LAMC1: variants seen among roughly 807,000 people sequenced by gnomAD.
The protein encoded by LAMC1 is laminin subunit gamma-1.
A neutral mutation model predicts 173.6 loss-of-function variants in LAMC1; 38 were observed. That is an observed-to-expected ratio of 0.22 (90% CI 0.17 to 0.29). LAMC1 has a LOEUF of 0.29. Ranked by LOEUF, LAMC1 falls within the 10% of genes least tolerant of loss-of-function variation. The pLI, the probability that LAMC1 is intolerant of heterozygous loss-of-function variation, is 1.00. For missense variants in LAMC1, 1,824 were observed against 2,051.8 expected, an observed-to-expected ratio of 0.89 and a Z score of 2.14; for synonymous variants, 746 against 749.1, an observed-to-expected ratio of 1.00 and a Z score of 0.07.
intron 1 of LAMC1, among the ~76,000 whole-genome samples, chr1:183,044,928 TA>T (rs201754038): frequency 0.02 from 2,835 of 142,372 alleles, 29 homozygotes; most frequent in African/African-American, 0.026. Flanking sequence ...TCTCAATGCT[TA>T]AAAAAAAAAA....
intron 1 of LAMC1, among the ~76,000 whole-genome samples, chr1:183,060,051 G>C (rs924329723): frequency 7.2e-5 from 11 of 152,010 alleles, no homozygotes; most frequent in Non-Finnish European, 1.2e-4. Flanking sequence ...AGTAGGGAGG[G>C]CTCTGTTGAT....
intron 11 of LAMC1, among the ~76,000 whole-genome samples, chr1:183,119,407 T>G (rs923191984): frequency 6.6e-6 from 1 of 152,102 alleles, no homozygotes; most frequent in Admixed American, 6.5e-5. Flanking sequence ...AGGAAGAGAT[T>G]AGGACTAGCG....
chr1:183,069,312 TAGAC>T lies in LAMC1; in HGVS notation c.419-34012_419-34009del, dbSNP rs1450964523. ...TGTTGTGCTAATGCATGTTTAAAGT[TAGAC>T]AGATGAGTAGCTGTTCATCAATATA... On this transcript the variant is annotated intron_variant, in intron 1 of 27. Coordinates refer to ENST00000258341, the MANE Select transcript of LAMC1 (RefSeq NM_002293.4). Among the ~76,000 whole-genome samples the T allele has an allele frequency of 3.9e-5, 6 of 152,320 alleles. 1 individual carries two copies. Among genetic ancestry groups the T allele is most frequent in the African/African-American group, 1.2e-4 (5 of 41,570 alleles).
intron 1 of LAMC1, among the ~76,000 whole-genome samples, chr1:183,071,216 A>T (rs1655004297): frequency 6.6e-6 from 1 of 152,052 alleles, no homozygotes; most frequent in Non-Finnish European, 1.5e-5. Context: ...TGATGCAGAA[A>T]GGAAGACAAT....
chr1:183,130,506 C>T lies in LAMC1; in HGVS notation c.3443C>T (p.Ala1148Val). 6.2e-7 allele frequency: 1 copy of T among 1,614,194 alleles called. No individual in the cohort carries two copies. Among genetic ancestry groups the T allele is most frequent in the Non-Finnish European group, 8.5e-7 (1 of 1,180,036 alleles). The change falls in exon 19 of 28, where the codon GCA becomes GTA. Residue 1148 changes from alanine to valine, a missense_variant. Coordinates refer to ENST00000258341, the MANE Select transcript of LAMC1 (RefSeq NM_002293.4). Reference protein sequence around the residue: ...VENTERLIEIASRELEKAKVA... With the variant: ...VENTERLIEIVSRELEKAKVA... Reference sequence around the variant, plus strand: ...AACACAGAGCGGTTGATTGAAATCGCATCCAGAGAACTTGAGAAAGCAAAA... The same window carrying T: ...AACACAGAGCGGTTGATTGAAATCGTATCCAGAGAACTTGAGAAAGCAAAA...
At chr1:183,096,586 T>C (rs1420660639) in intron 1 of LAMC1, 12 of 152,210 alleles carry the variant, frequency 7.9e-5, no homozygotes, top group African/African-American at 2.7e-4. Context: ...TGAAGCCCTT[T>C]GTTCATTCAT....
Position 183,023,977 on chromosome 1 carries a change from G to A in LAMC1, c.261G>A (p.Lys87=), listed in dbSNP as rs1434247230. The A allele has an allele frequency of 6.2e-7, 1 of 1,613,180 alleles. No individual in the cohort carries two copies. The highest frequency in any genetic ancestry group is 8.5e-7 in the Non-Finnish European group (1 of 1,179,978). ...AGACCGGGGTGACCGGGGTCACCAA[G>A]TCCTGTCACCTGTGCGACGCCGGGC... ...CVQTGVTGVT[K]SCHLCDAGQP... Residue 87 remains lysine, a synonymous_variant, in exon 1 of 28, where the codon AAG becomes AAA. Coordinates refer to ENST00000258341, the MANE Select transcript of LAMC1 (RefSeq NM_002293.4).
intron 1 of LAMC1, among the ~76,000 whole-genome samples, chr1:183,029,615 C>G (rs1420419151): frequency 6.6e-6 from 1 of 152,100 alleles, no homozygotes; most frequent in Non-Finnish European, 1.5e-5. Flanking sequence ...TGTTAGGACT[C>G]CTTCCCCAGT....
At chr1:183,038,668 A>G (rs906012728) in intron 1 of LAMC1, among the ~76,000 whole-genome samples, 1 of 152,190 alleles carries the variant, frequency 6.6e-6, no homozygotes, top group Non-Finnish European at 1.5e-5. Flanking sequence ...CTGGGAAGTG[A>G]TATTTTCCTG....
chr1:183,129,718 T>C (rs1351213464), intron 18 of LAMC1, among the ~76,000 whole-genome samples: 2 of 152,176 alleles, frequency 1.3e-5, no homozygotes, highest in African/African-American at 2.4e-5. Flanking sequence ...ATATTTATCT[T>C]TTGATTTGTT....
At position 183,115,580 on chromosome 1, in the gene LAMC1, G is replaced by A. The variant is rs1489421980; in HGVS notation, c.1271G>A (p.Gly424Glu). 1 of 1,614,144 alleles carries A rather than the reference G, an allele frequency of 6.2e-7. No individual in the cohort carries two copies. ...GRCSCKPGVM[G>E]DKCDRCQPGF... ...TGCAGCTGTAAGCCAGGAGTGATGG[G>A]GGACAAATGTGACCGTTGCCAGCCT... The change falls in exon 6 of 28, where the codon GGG (glycine) becomes GAG (glutamate). Residue 424 changes from glycine (G) to glutamate (E), a missense_variant. By Grantham distance (98) the Gly-to-Glu change is moderately conservative. Coordinates refer to ENST00000258341, the MANE Select transcript of LAMC1 (RefSeq NM_002293.4).
intron 1 of LAMC1, among the ~76,000 whole-genome samples, chr1:183,030,806 AT>A (rs1388745627): frequency 1.5e-4 from 23 of 152,004 alleles, no homozygotes; most frequent in Non-Finnish European, 2.9e-5. Flanking sequence ...GTTAATTTGT[AT>A]TTTTTTCCTT....
chr1:183,045,171 T>C (rs140048167), intron 1 of LAMC1, among the ~76,000 whole-genome samples: 25 of 151,878 alleles, frequency 1.6e-4, no homozygotes, highest in African/African-American at 5.8e-4. Context: ...GCCAGTTGAT[T>C]AGTATGAATT....
chr1:183,028,959 T>C (rs1653766927), intron 1 of LAMC1, among the ~76,000 whole-genome samples: 1 of 152,218 alleles, frequency 6.6e-6, no homozygotes. Context: ...CTAAATTCAC[T>C]CCTTGTTGTC....
chr1:183,108,184 A>G, intron 2 of LAMC1, 92 bp from the exon 3 acceptor site: 1 of 1,196,630 alleles, frequency 8.4e-7, no homozygotes, highest in Non-Finnish European at 1.2e-6. Flanking sequence ...GTTAAATGAT[A>G]ATAAGTTAGT....
chr1:183,090,349 G>T (rs917008472), intron 1 of LAMC1, among the ~76,000 whole-genome samples: 1 of 152,152 alleles, frequency 6.6e-6, no homozygotes, highest in African/African-American at 2.4e-5. Context: ...AGGAACACAA[G>T]TTCAAGCACA....
intron 26 of LAMC1, among the ~76,000 whole-genome samples, chr1:183,139,558 G>C (rs906695090): frequency 6.6e-6 from 1 of 152,178 alleles, no homozygotes; most frequent in Non-Finnish European, 1.5e-5. Flanking sequence ...GGTTTTTTCT[G>C]CCTTGCTTTC....
At chr1:183,136,640 T>G (rs1360972800) in intron 25 of LAMC1, 55 bp downstream of exon 25, 2 of 1,457,298 alleles carry the variant, frequency 1.4e-6, no homozygotes, top group Non-Finnish European at 1.9e-6. Flanking sequence ...CTGGTCACTT[T>G]CCAGTTTCTT....
In LAMC1 at chr1:183,133,410, G is replaced by T; in HGVS notation, c.3709G>T (p.Glu1237Ter). The T allele has an allele frequency of 6.2e-7, 1 of 1,613,192 alleles. No homozygotes were observed. The highest frequency in any genetic ancestry group is 1.1e-5 in the South Asian group (1 of 90,880). Residue 1237 changes from glutamate (E) to a stop codon, truncating the protein, a stop_gained, in exon 22 of 28, where the codon GAA (glutamate) becomes TAA (stop). Coordinates refer to ENST00000258341, the MANE Select transcript of LAMC1 (RefSeq NM_002293.4). LOFTEE classifies it high-confidence loss of function. ...ACCACATTATTTGTGTCTTAGGTAT[G>T]AACAAGCGAAGAACATCTCACAGGA... ...FEIEELNRKY[E>*]QAKNISQDLE... is the part of the protein sequence containing the mutation.
Sources: allele counts gnomAD v4.1 joint callset (sites outside exome capture counted in the v4.1 genomes callset), GRCh38; gene constraint gnomAD v4.1.1; transcripts MANE v1.5; gene names NCBI Gene and HGNC (gene_info 2026-07-23, HGNC 2026-07-21).